The following TSPAN5 variants were observed in gnomAD, a reference collection of about 807,000 sequenced individuals.
TSPAN5 encodes the protein tetraspanin 5.
A neutral mutation model predicts 37.1 loss-of-function variants in TSPAN5; 10 were observed. The observed-to-expected ratio is 0.27, with a 90% CI of 0.17 to 0.46. The LOEUF is 0.46. Ranked by LOEUF, TSPAN5 falls within the 20% of genes least tolerant of loss-of-function variation. The pLI is 1.00. For missense variants in TSPAN5, 195 were observed against 326.6 expected, an observed-to-expected ratio of 0.60 and a Z score of 3.11; for synonymous variants, 110 against 118.9, an observed-to-expected ratio of 0.93 and a Z score of 0.48.
intron 1 of TSPAN5, among the ~76,000 whole-genome samples, chr4:98,548,658 A>C (rs1754526473): frequency 6.6e-6 from 1 of 152,038 alleles, no homozygotes; most frequent in African/African-American, 2.4e-5. Flanking sequence ...TAATTTTTCA[A>C]CCCTCACCTC....
chr4:98,559,107 G>A (rs1401061530), intron 1 of TSPAN5, among the ~76,000 whole-genome samples: 8 of 150,152 alleles, frequency 5.3e-5, no homozygotes, highest in Non-Finnish European at 1.0e-4. Context: ...GTAAAACACC[G>A]TGGGAAACAA....
At chr4:98,645,095 C>A (rs1297043825) in intron 1 of TSPAN5, among the ~76,000 whole-genome samples, 1 of 152,160 alleles carries the variant, frequency 6.6e-6, no homozygotes, top group Admixed American at 6.6e-5. Flanking sequence ...CATTAAATAT[C>A]CTTCAATATA....
At chr4:98,572,134 T>C (rs62323626) in intron 1 of TSPAN5, among the ~76,000 whole-genome samples, 18,289 of 152,064 alleles carry the variant, frequency 0.12, 1,218 homozygotes, top group South Asian at 0.25. Flanking sequence ...TGGCTAATTT[T>C]TGTATTTTTA....
At chr4:98,633,442 G>A (rs375473370) in intron 1 of TSPAN5, among the ~76,000 whole-genome samples, 16 of 152,172 alleles carry the variant, frequency 1.1e-4, no homozygotes, top group East Asian at 3.9e-4. Flanking sequence ...ATGAAGTTAT[G>A]AGTCCTGAGT....
chr4:98,558,615 C>A (rs980201846), intron 1 of TSPAN5, among the ~76,000 whole-genome samples: 1 of 152,098 alleles, frequency 6.6e-6, no homozygotes, highest in Non-Finnish European at 1.5e-5. Flanking sequence ...TTCCAAAGTG[C>A]CTTGAAAGCT....
intron 2 of TSPAN5, among the ~76,000 whole-genome samples, chr4:98,496,150 G>A (rs1753208018): frequency 6.6e-6 from 1 of 152,170 alleles, no homozygotes; most frequent in Non-Finnish European, 1.5e-5. Context: ...ACTCAGCGAG[G>A]GGTGATCCTG....
chr4:98,543,698 GT>G (rs1754410810), intron 1 of TSPAN5, among the ~76,000 whole-genome samples: 1 of 151,962 alleles, frequency 6.6e-6, no homozygotes, highest in Admixed American at 6.6e-5. Flanking sequence ...GGGATTACAG[GT>G]GTGAGCCACT....
At chr4:98,518,375 G>T (rs1268927391) in intron 1 of TSPAN5, among the ~76,000 whole-genome samples, 1 of 152,120 alleles carries the variant, frequency 6.6e-6, no homozygotes, top group African/African-American at 2.4e-5. Context: ...GAAAATGAAT[G>T]ATATCTTTTC....
At chr4:98,547,129 T>C (rs1043472447) in intron 1 of TSPAN5, among the ~76,000 whole-genome samples, 2 of 152,184 alleles carry the variant, frequency 1.3e-5, no homozygotes, top group African/African-American at 2.4e-5. Context: ...CCCCTCGCTC[T>C]TCTCTTGTGT....
chr4:98,508,413 T>C (rs1753524925), intron 1 of TSPAN5, among the ~76,000 whole-genome samples: 3 of 151,954 alleles, frequency 2.0e-5, no homozygotes, highest in South Asian at 4.1e-4. Context: ...GCACATCTCA[T>C]ACATACCCAC....
At position 98,593,903 on chromosome 4, in the gene TSPAN5, G is replaced by A; in HGVS notation, c.81+64243C>T. The stretch of plus-strand genomic sequence containing the variant: ...CTCCAGCTTTGTTCTTTTGGCTTAG[G>A]ATTGACTTGGCAATGTGGGCTCTTT... On this transcript the variant is annotated intron_variant, in intron 1 of 7. Coordinates refer to ENST00000305798, the MANE Select transcript of TSPAN5 (RefSeq NM_005723.4). Among the ~76,000 whole-genome samples the A allele has an allele frequency of 3.3e-5, 2 of 61,514 alleles. 1 individual carries two copies. The highest frequency in any genetic ancestry group is 5.8e-5 in the Non-Finnish European group (2 of 34,486). 40.4% of individuals were successfully genotyped at this position (61,514 alleles called of 152,430 possible). A position where few individuals can be genotyped will look rare whatever the true frequency, so the allele number is the denominator to read the frequency against.
intron 3 of TSPAN5, chr4:98,484,120 A>C (rs1017343273): frequency 8.1e-5 from 20 of 245,598 alleles, no homozygotes; most frequent in African/African-American, 4.5e-4. Flanking sequence ...TTCATGTTAC[A>C]TATTATACAT....
At position 98,478,755 on chromosome 4, in the gene TSPAN5, T is replaced by C; in HGVS notation, c.506A>G (p.Asn169Ser). Reference protein sequence around the residue: ...ADDWNLNIYFNCTDSNASRER... With the variant: ...ADDWNLNIYFSCTDSNASRER... ...TCGACTTGCATTGGAATCTGTGCAA[T>C]TGAAGTAAATATTTAGGTTCCAATC... is the stretch of plus-strand genomic sequence containing the variant. The change falls in exon 5 of 8, where the codon AAT (asparagine) becomes AGT (serine). Residue 169 changes from asparagine to serine, a missense_variant. Transcript: ENST00000305798. 2 of 1,614,012 alleles carry C rather than the reference T, an allele frequency of 1.2e-6. No homozygotes were observed. The highest frequency in any genetic ancestry group is 1.7e-6 in the Non-Finnish European group (2 of 1,179,988).
At chr4:98,640,590 T>C (rs1427532110) in intron 1 of TSPAN5, among the ~76,000 whole-genome samples, 1 of 151,944 alleles carries the variant, frequency 6.6e-6, no homozygotes. Context: ...GGAGAGGAAA[T>C]TACAGCCCAG....
chr4:98,516,583 A>G (rs1278161166), intron 1 of TSPAN5, among the ~76,000 whole-genome samples: 19 of 152,208 alleles, frequency 1.2e-4, no homozygotes, highest in Admixed American at 1.2e-3. Flanking sequence ...GCATTCTGCT[A>G]TGGTTTGAGC....
intron 1 of TSPAN5, among the ~76,000 whole-genome samples, chr4:98,511,956 T>G (rs981392715): frequency 6.6e-6 from 1 of 152,204 alleles, no homozygotes; most frequent in African/African-American, 2.4e-5. Flanking sequence ...GGTTCACACC[T>G]GTAATCCCAG....
At chr4:98,564,691 A>C (rs2110172992) in intron 1 of TSPAN5, among the ~76,000 whole-genome samples, 1 of 151,730 alleles carries the variant, frequency 6.6e-6, no homozygotes. Flanking sequence ...TGTGTTTCTA[A>C]ATTTTTTTTT....
chr4:98,528,519 G>C, intron 1 of TSPAN5, among the ~76,000 whole-genome samples: 1 of 150,304 alleles, frequency 6.7e-6, no homozygotes. Context: ...TGTTTACATA[G>C]AGAATACCTG....
At chr4:98,654,870 C>T (rs543369841) in intron 1 of TSPAN5, among the ~76,000 whole-genome samples, 4 of 152,214 alleles carry the variant, frequency 2.6e-5, no homozygotes, top group South Asian at 2.1e-4. Flanking sequence ...TTTTTTGAGA[C>T]GGAGTCTTGC....
Sources: gnomAD v4.1 joint callset for allele counts (sites outside exome capture counted in the v4.1 genomes callset) on GRCh38, gnomAD v4.1.1 for gene constraint, MANE v1.5 for transcripts, NCBI Gene and HGNC (gene_info 2026-07-23, HGNC 2026-07-21) for gene names.